Variants in TMEM164 observed in about 807,000 individuals in gnomAD.
TMEM164 encodes RP13-360B22.2.
Under a neutral mutation model 18.8 loss-of-function variants are expected in TMEM164, and 4 were observed. That is an observed-to-expected ratio of 0.21 (90% CI 0.10 to 0.49). The LOEUF (loss-of-function observed/expected upper bound fraction) is 0.49, where lower values mean the gene tolerates loss of function less well. Among genes scored for constraint, TMEM164 ranks in the 20% least tolerant of loss-of-function variants. TMEM164 has a pLI of 0.98. For synonymous variants in TMEM164, 86 were observed against 101.7 expected (o/e 0.85, Z 0.93); for missense variants, 108 against 239.9 (o/e 0.45, Z 3.63).
intron 2 of TMEM164, among the ~76,000 whole-genome samples, chrX:110,027,476 G>A (rs189028068): frequency 0.012 from 1,341 of 111,680 alleles, 21 homozygotes; most frequent in African/African-American, 0.04. Context: ...ACTGTGAGTG[G>A]GCTGGGCGCA....
rs1367379161 is a variant in TMEM164, at chrX:110,003,798, T to C, written c.24T>C (p.Ser8=). 1.7e-6 allele frequency: 2 copies of C among 1,202,684 alleles called. No individual in the cohort carries two copies. Among genetic ancestry groups the C allele is most frequent in the Non-Finnish European group, 2.2e-6 (2 of 891,480 alleles). ...TCATGTCCCGGTATAGCTACCAGAG[T>C]CTCCTGGACTGGCTCTATGGGGGCG... MSRYSYQ[S]LLDWLYGGVD... Residue 8 remains serine (S), a synonymous_variant, in exon 2 of 7, where the codon AGT becomes AGC. Transcript: ENST00000372068.
chrX:110,035,776 A>G (rs779117206), intron 2 of TMEM164, among the ~76,000 whole-genome samples: 47 of 94,252 alleles, frequency 5.0e-4, no homozygotes, highest in African/African-American at 1.8e-3. Context: ...ATGTGCTCCT[A>G]TTTTTTTTTT....
intron 3 of TMEM164, among the ~76,000 whole-genome samples, chrX:110,074,208 A>G (rs770031068): frequency 9.0e-6 from 1 of 111,367 alleles, no homozygotes; most frequent in Admixed American, 9.6e-5. Flanking sequence ...TTTCTCTGTT[A>G]GTGATAAGAG....
At chrX:110,132,062 A>C (rs937009844) in intron 4 of TMEM164, among the ~76,000 whole-genome samples, 1 of 111,592 alleles carries the variant, frequency 9.0e-6, no homozygotes, top group Non-Finnish European at 1.9e-5. Flanking sequence ...GGTTAAGATG[A>C]TGGGTTCTTG....
chrX:110,094,686 T>A (rs1049399590), intron 3 of TMEM164, among the ~76,000 whole-genome samples: 8 of 111,745 alleles, frequency 7.2e-5, no homozygotes, highest in South Asian at 3.8e-4. Context: ...ACATTTAAGG[T>A]CAATATGGTT....
At chrX:110,068,518 A>G (rs1264244643) in intron 3 of TMEM164, among the ~76,000 whole-genome samples, 2 of 112,398 alleles carry the variant, frequency 1.8e-5, no homozygotes, top group Admixed American at 9.4e-5. Context: ...AGGGACACAT[A>G]AGGAAGAAAC....
chrX:110,063,751 C>T (rs1936211145), intron 2 of TMEM164, among the ~76,000 whole-genome samples: 2 of 111,220 alleles, frequency 1.8e-5, no homozygotes, highest in Non-Finnish European at 3.8e-5. Context: ...ATGAACCTGT[C>T]TTTGGGACTC....
rs764136734 is a variant in TMEM164 at position 110,087,881 on chromosome X, A to G, written c.440+20485A>G. Among the ~76,000 whole-genome samples, 6 of 111,699 alleles carry G rather than the reference A, an allele frequency of 5.4e-5. No individual in the cohort carries two copies. The South Asian group carries it at 2.3e-3, about 42-fold the overall frequency. Reference sequence around the variant, plus strand: ...TTTGAAGGGGATGAGATGAAATTTCATCTATGCTGCAGAGAGCAGGAGGTG... The same window carrying G: ...TTTGAAGGGGATGAGATGAAATTTCGTCTATGCTGCAGAGAGCAGGAGGTG... On this transcript the variant is annotated intron_variant, in intron 3 of 6. Coordinates refer to ENST00000372068, the MANE Select transcript of TMEM164 (RefSeq NM_032227.4).
intron 2 of TMEM164, among the ~76,000 whole-genome samples, chrX:110,018,783 G>A (rs1933626053): frequency 8.9e-6 from 1 of 112,180 alleles, no homozygotes; most frequent in Non-Finnish European, 1.9e-5. Flanking sequence ...GAGTATGGCT[G>A]TTATCATCTG....
intron 2 of TMEM164, among the ~76,000 whole-genome samples, chrX:110,010,859 A>G (rs1932965386): frequency 9.0e-6 from 1 of 111,626 alleles, no homozygotes; most frequent in Non-Finnish European, 1.9e-5. Flanking sequence ...AGTTATGTCA[A>G]TGGAGTATTT....
rs193084833 is a variant in TMEM164 at position 110,096,898 on chromosome X, C to T, written c.441-12182C>T. 6.4e-4 allele frequency among the ~76,000 whole-genome samples: 72 copies of T among 112,027 alleles called. 1 individual carries two copies. The East Asian group carries it at 8.4e-3, about 13-fold the overall frequency. ...CCCTGCCACAAGACAGACAGGATTG[C>T]GCTACAGCACCTCACAAAGTGGGAA... On this transcript the variant is annotated intron_variant, in intron 3 of 6. Coordinates refer to ENST00000372068, the MANE Select transcript of TMEM164 (RefSeq NM_032227.4).
chrX:110,051,043 A>G (rs1036179669), intron 2 of TMEM164, among the ~76,000 whole-genome samples: 1 of 112,043 alleles, frequency 8.9e-6, no homozygotes, highest in African/African-American at 3.3e-5. Context: ...TTGGTTTCAA[A>G]TCACAGAAGA....
In TMEM164 at chrX:110,139,445, G is replaced by A. The variant is rs188209811; in HGVS notation, c.508-5353G>A. Among the ~76,000 whole-genome samples the A allele has an allele frequency of 2.4e-3, 268 of 111,969 alleles. 1 individual carries two copies. Among genetic ancestry groups the A allele is most frequent in the Middle Eastern group, 4.6e-3 (1 of 216 alleles). ...TTCCTCAGCTGAGAGCGAGGATGGG[G>A]AAGGTCTGAGGAAAGCAGGAGAAGT... On this transcript the variant is annotated intron_variant, in intron 4 of 6. Coordinates refer to ENST00000372068, the MANE Select transcript of TMEM164 (RefSeq NM_032227.4).
At chrX:110,035,457 G>T (rs1225100529) in intron 2 of TMEM164, among the ~76,000 whole-genome samples, 2 of 108,858 alleles carry the variant, frequency 1.8e-5, no homozygotes, top group African/African-American at 6.7e-5. Flanking sequence ...TGCCTATGTG[G>T]TACTCCATCC....
chrX:110,102,715 T>C (rs1290030595), intron 3 of TMEM164, among the ~76,000 whole-genome samples: 1 of 112,208 alleles, frequency 8.9e-6, no homozygotes, highest in Non-Finnish European at 1.9e-5. Context: ...GGTACTCTTA[T>C]TAGTTCAATT....
Position 110,075,185 on chromosome X carries a change from G to A in TMEM164, c.440+7789G>A, listed in dbSNP as rs185977019. On this transcript the variant is annotated intron_variant, in intron 3 of 6. Transcript: ENST00000372068. ...TAAAGATCTTTCATCTCCTTGGCTG[G>A]ATGTATTCCTAGGCATTTTATGTTT... Among the ~76,000 whole-genome samples the A allele has an allele frequency of 5.4e-5, 6 of 111,488 alleles. No homozygotes were observed. The East Asian group carries it at 1.7e-3, about 31-fold the overall frequency.
intron 2 of TMEM164, among the ~76,000 whole-genome samples, chrX:110,023,968 A>G (rs1934055500): frequency 1.8e-5 from 2 of 112,385 alleles, no homozygotes; most frequent in East Asian, 2.8e-4. Context: ...GCATTTGTCA[A>G]GTAAGTCCCT....
At chrX:110,128,743 TG>T (rs2066570887) in intron 4 of TMEM164, among the ~76,000 whole-genome samples, 1 of 112,174 alleles carries the variant, frequency 8.9e-6, no homozygotes, top group Admixed American at 9.5e-5. Context: ...TATTGCACTT[TG>T]GCTAATTTCT....
downstream of TMEM164, among the ~76,000 whole-genome samples, chrX:110,179,665 G>A (rs994140319): frequency 2.7e-5 from 3 of 112,040 alleles, no homozygotes; most frequent in African/African-American, 9.7e-5. Context: ...GGCTATGTTA[G>A]GTGCCAGTCC....
Sources: gnomAD v4.1 joint callset for allele counts (sites outside exome capture counted in the v4.1 genomes callset) on GRCh38, gnomAD v4.1.1 for gene constraint, MANE v1.5 for transcripts, NCBI Gene and HGNC (gene_info 2026-07-23, HGNC 2026-07-21) for gene names.